ARIH1: variants seen among roughly 807,000 people sequenced by gnomAD.
ARIH1 encodes the protein ariadne RBR E3 ubiquitin protein ligase 1, also known as E3 ubiquitin-protein ligase ARIH1.
A neutral mutation model predicts 85.0 loss-of-function variants in ARIH1; 8 were observed. The observed-to-expected ratio is 0.09, with a 90% CI of 0.06 to 0.17. The LOEUF (loss-of-function observed/expected upper bound fraction) is 0.17, where lower values mean the gene tolerates loss of function less well. Ranked by LOEUF, ARIH1 falls within the 10% of genes least tolerant of loss-of-function variation. ARIH1 has a pLI of 1.00. For synonymous variants in ARIH1, 238 were observed against 253.6 expected (o/e 0.94, Z 0.59); for missense variants, 311 against 718.1 (o/e 0.43, Z 6.48).
At chr15:72,480,349 C>T (rs2063811127) in intron 1 of ARIH1, among the ~76,000 whole-genome samples, 1 of 151,476 alleles carries the variant, frequency 6.6e-6, no homozygotes, top group Non-Finnish European at 1.5e-5. Flanking sequence ...GCAACCTCCA[C>T]TTCCAGGGTT....
intron 1 of ARIH1, among the ~76,000 whole-genome samples, chr15:72,511,599 C>G (rs146346751): frequency 6.6e-6 from 1 of 152,320 alleles, no homozygotes; most frequent in Non-Finnish European, 1.5e-5. Context: ...ACCACCGTGC[C>G]TGGCCCAGCT....
intron 3 of ARIH1, among the ~76,000 whole-genome samples, chr15:72,547,282 G>T (rs1011349486): frequency 6.0e-5 from 9 of 151,094 alleles, no homozygotes; most frequent in Non-Finnish European, 1.2e-4. Context: ...GCCCAGACTG[G>T]AGTGCAATGG....
At chr15:72,479,932 A>T (rs1034614261) in intron 1 of ARIH1, among the ~76,000 whole-genome samples, 3 of 150,096 alleles carry the variant, frequency 2.0e-5, no homozygotes, top group Admixed American at 2.0e-4. Flanking sequence ...CGGTGGTGCG[A>T]TCTCGGCTCA....
intron 12 of ARIH1, 154 bp from the exon 13 acceptor site, chr15:72,581,921 G>C (rs1302401537): frequency 4.1e-6 from 2 of 487,054 alleles, no homozygotes; most frequent in Admixed American, 7.6e-5. Flanking sequence ...AGTTATTAGA[G>C]ATGAAAGCCC....
rs1192374880 is a variant in ARIH1 at position 72,591,035 on chromosome 15, A to T, written c.*7743A>T. On this transcript the variant is annotated 3_prime_UTR_variant, in exon 14 of 14. Coordinates refer to ENST00000379887, the MANE Select transcript of ARIH1 (RefSeq NM_005744.5). ...TCGGGAGTTCGAGACCAGCCTGGCC[A>T]ACACAGTGAAACCTCATCTCTACTA... 5 of 151,948 alleles carry T rather than the reference A, an allele frequency of 3.3e-5. No homozygotes were observed. The highest frequency in any genetic ancestry group is 1.2e-4 in the African/African-American group (5 of 41,358). 9.4% of individuals were successfully genotyped at this position (151,948 alleles called of 1,614,324 possible).
At chr15:72,578,805 TG>T (rs1383433499) in intron 11 of ARIH1, among the ~76,000 whole-genome samples, 4 of 130,586 alleles carry the variant, frequency 3.1e-5, no homozygotes, top group African/African-American at 7.6e-5. Context: ...TGCTTTTTTT[TG>T]TTTTTTGGTG....
chr15:72,512,998 G>A (rs1205840925), intron 1 of ARIH1, among the ~76,000 whole-genome samples: 2 of 152,040 alleles, frequency 1.3e-5, no homozygotes, highest in Admixed American at 6.5e-5. Context: ...TAGTGTTTGC[G>A]TGATATATCT....
intron 5 of ARIH1, among the ~76,000 whole-genome samples, chr15:72,559,898 T>C (rs1817319946): frequency 1.3e-5 from 2 of 152,264 alleles, no homozygotes; most frequent in African/African-American, 2.4e-5. Flanking sequence ...TTCCATTATA[T>C]GGACATTTCC....
intron 1 of ARIH1, among the ~76,000 whole-genome samples, chr15:72,500,552 A>G (rs1011664199): frequency 5.9e-5 from 9 of 152,158 alleles, no homozygotes; most frequent in Non-Finnish European, 1.3e-4. Flanking sequence ...CTGCTTTGCT[A>G]ATTTCATTCC....
chr15:72,519,475 G>GTTTTTT (rs150165121), intron 2 of ARIH1, among the ~76,000 whole-genome samples: 35 of 62,528 alleles, frequency 5.6e-4, no homozygotes, highest in African/African-American at 1.6e-3. Context: ...TGTTTTTTTT[G>GTTTTTT]TTTTTTTTTT....
intron 1 of ARIH1, among the ~76,000 whole-genome samples, chr15:72,510,179 T>G (rs2063943797): frequency 1.3e-5 from 2 of 152,176 alleles, no homozygotes; most frequent in African/African-American, 4.8e-5. Context: ...GTTTTTAGAT[T>G]TTTAAAAAAT....
chr15:72,534,409 T>C (rs1379261985), intron 2 of ARIH1, among the ~76,000 whole-genome samples: 1 of 152,190 alleles, frequency 6.6e-6, no homozygotes, highest in Non-Finnish European at 1.5e-5. Flanking sequence ...TTTATAACAG[T>C]TTGTAAGCTG....
chr15:72,534,830 A>C (rs1469316103), intron 2 of ARIH1, among the ~76,000 whole-genome samples: 1 of 152,062 alleles, frequency 6.6e-6, no homozygotes, highest in East Asian at 1.9e-4. Flanking sequence ...CTCAATCTTA[A>C]GAGCTGTAGC....
At chr15:72,490,377 G>A (rs1321171191) in intron 1 of ARIH1, among the ~76,000 whole-genome samples, 6 of 152,136 alleles carry the variant, frequency 3.9e-5, no homozygotes, top group South Asian at 2.1e-4. Flanking sequence ...GCCAGGGAGC[G>A]TTACCACCTG....
intron 11 of ARIH1, among the ~76,000 whole-genome samples, chr15:72,576,042 C>G (rs143158870): frequency 5.3e-5 from 8 of 151,922 alleles, no homozygotes; most frequent in East Asian, 1.9e-4. Flanking sequence ...TGAAGTGTTT[C>G]GTTGTATAAT....
At chr15:72,496,645 G>A (rs144821828) in intron 1 of ARIH1, 1 of 184,214 alleles carries the variant, frequency 5.4e-6, no homozygotes, top group Admixed American at 6.5e-5. Flanking sequence ...ACCAAGTTCA[G>A]GTATTTTACT....
At chr15:72,577,678 A>G (rs550899343) in intron 11 of ARIH1, among the ~76,000 whole-genome samples, 1 of 152,082 alleles carries the variant, frequency 6.6e-6, no homozygotes, top group African/African-American at 2.4e-5. Context: ...ATCTCAAAAC[A>G]AAAAACAAAC....
At position 72,565,376 on chromosome 15, in the gene ARIH1, G is replaced by A. The variant is rs536752073; in HGVS notation, c.912-1187G>A. The stretch of plus-strand genomic sequence containing the variant: ...TAAGTGCTGGGATTACAGGTGAGAA[G>A]CACCATGGCCAGCCAGATTTTCTTT... On this transcript the variant is annotated intron_variant, in intron 7 of 13. Coordinates refer to ENST00000379887, the MANE Select transcript of ARIH1 (RefSeq NM_005744.5). Among the ~76,000 whole-genome samples the A allele has an allele frequency of 1.2e-3, 182 of 152,208 alleles. 1 individual carries two copies. The highest frequency in any genetic ancestry group is 4.1e-3 in the African/African-American group (171 of 41,538).
chr15:72,571,435 A>G (rs1414894266), intron 10 of ARIH1, among the ~76,000 whole-genome samples: 1 of 152,232 alleles, frequency 6.6e-6, no homozygotes, highest in Non-Finnish European at 1.5e-5. Context: ...CCCATAATGT[A>G]GGCTCCCATA....
Sources: allele counts gnomAD v4.1 joint callset (sites outside exome capture counted in the v4.1 genomes callset), GRCh38; gene constraint gnomAD v4.1.1; transcripts MANE v1.5; gene names NCBI Gene and HGNC (gene_info 2026-07-23, HGNC 2026-07-21).